Variants in CXADR observed in about 807,000 individuals in gnomAD.
CXADR encodes CXADR cell adhesion molecule.
In CXADR, 20 loss-of-function variants were observed where a neutral mutation model predicts 40.3. That is an observed-to-expected ratio of 0.50 (90% CI 0.35 to 0.72). The LOEUF is 0.72. CXADR is among the 30% of genes least tolerant of loss of function. CXADR has a pLI of 0.01. For missense variants in CXADR, 332 were observed against 449.1 expected (o/e 0.74, Z 2.36); for synonymous variants, 150 against 161.3 (o/e 0.93, Z 0.53).
chr21:17,524,760 T>G (rs946734749), intron 1 of CXADR, among the ~76,000 whole-genome samples: 6 of 151,600 alleles, frequency 4.0e-5, no homozygotes, highest in African/African-American at 1.5e-4. Context: ...GATACAAAAA[T>G]TAGCCGGGTG....
chr21:17,603,684 A>G, the CXADR span, among the ~76,000 whole-genome samples: 1 of 152,174 alleles, frequency 6.6e-6, no homozygotes, highest in Non-Finnish European at 1.5e-5. Context: ...GCCACAGGAA[A>G]ATTCTTGCAG....
At chr21:17,517,969 A>G (rs904444700) in intron 1 of CXADR, among the ~76,000 whole-genome samples, 2 of 152,234 alleles carry the variant, frequency 1.3e-5, no homozygotes, top group African/African-American at 4.8e-5. Context: ...CAGTGGCAAA[A>G]TACCTCAAGA....
intron 1 of CXADR, among the ~76,000 whole-genome samples, chr21:17,529,034 CT>C (rs10530177): frequency 0.044 from 5,284 of 120,604 alleles, 27 homozygotes; most frequent in African/African-American, 0.056. Context: ...GACTTTTTGT[CT>C]TTTTTTTTTT....
chr21:17,575,854 G>A (rs1460695113), intron 7 of CXADR, among the ~76,000 whole-genome samples: 1 of 151,446 alleles, frequency 6.6e-6, no homozygotes, highest in Non-Finnish European at 1.5e-5. Context: ...TTGGGAGGCC[G>A]AGGCTGGTGG....
chr21:17,619,567 A>C, the CXADR span, among the ~76,000 whole-genome samples: 1 of 150,154 alleles, frequency 6.7e-6, no homozygotes, highest in East Asian at 2.0e-4. Context: ...CCAGTCTGGC[A>C]GCCTGGGCAT....
At chr21:17,559,470 C>T (rs1378758792) in intron 4 of CXADR, among the ~76,000 whole-genome samples, 2 of 151,934 alleles carry the variant, frequency 1.3e-5, no homozygotes, top group Non-Finnish European at 2.9e-5. Context: ...CAGGCATGAG[C>T]CCAGGCATGT....
At chr21:17,517,073 G>C (rs1386472068) in intron 1 of CXADR, among the ~76,000 whole-genome samples, 1 of 152,104 alleles carries the variant, frequency 6.6e-6, no homozygotes, top group African/African-American at 2.4e-5. Context: ...TTGCATCTCA[G>C]ATATCAAATA....
At chr21:17,570,219 CAGAA>C, downstream of CXADR, 2 of 978,082 alleles carry the variant, frequency 2.0e-6, no homozygotes, top group Non-Finnish European at 2.4e-6. Flanking sequence ...ATCCTCTAAA[CAGAA>C]AGAATAAAGA....
intron 7 of CXADR, among the ~76,000 whole-genome samples, chr21:17,592,052 T>C (rs1265303729): frequency 1.3e-5 from 2 of 151,994 alleles, no homozygotes; most frequent in African/African-American, 2.4e-5. Context: ...AACATCTACC[T>C]GTATGCAGTT....
At chr21:17,570,492 C>T (rs973032028), downstream of CXADR, among the ~76,000 whole-genome samples, 1 of 152,080 alleles carries the variant, frequency 6.6e-6, no homozygotes, top group Non-Finnish European at 1.5e-5. Context: ...GAGAGCTTAC[C>T]TTCTGTTTCA....
At chr21:17,550,833 G>C (rs958074017) in intron 2 of CXADR, among the ~76,000 whole-genome samples, 10 of 152,182 alleles carry the variant, frequency 6.6e-5, no homozygotes, top group African/African-American at 2.2e-4. Context: ...GTTAGGCACA[G>C]GTCTTTGCTT....
In CXADR at chr21:17,547,213, G is replaced by GCT; in HGVS notation, c.210+22_210+23dup. The GCT allele has an allele frequency of 6.2e-7, 1 of 1,613,814 alleles. No individual in the cohort carries two copies. Among genetic ancestry groups the GCT allele is most frequent in the Non-Finnish European group, 8.5e-7 (1 of 1,179,938 alleles). On this transcript the variant is annotated intron_variant, in intron 2 of 6. Coordinates refer to ENST00000284878, the MANE Select transcript of CXADR (RefSeq NM_001338.5). ...CAAGTGGTAAGTTTGATATGTCCTTGCTCGCTTAGCAGCTGTCTGTGCAAC... is the reference window on the plus strand; with the variant it reads ...CAAGTGGTAAGTTTGATATGTCCTTGCTCTCGCTTAGCAGCTGTCTGTGCAAC...
chr21:17,561,251 A>C, intron 5 of CXADR, 87 bp from the exon 6 acceptor site: 1 of 785,680 alleles, frequency 1.3e-6, no homozygotes, highest in East Asian at 3.0e-5. Context: ...CACGTGATGA[A>C]ATCAATCTAA....
At chr21:17,598,989 G>T in the CXADR span, 1 of 524,034 alleles carries the variant, frequency 1.9e-6, no homozygotes, top group South Asian at 3.3e-5. Flanking sequence ...CTCAATGCCA[G>T]CAAGCAAACC....
intron 6 of CXADR, among the ~76,000 whole-genome samples, chr21:17,562,358 G>C (rs2061135512): frequency 1.3e-5 from 2 of 152,294 alleles, no homozygotes; most frequent in South Asian, 2.1e-4. Context: ...CTCGCTCTCT[G>C]TTGCCCAGGC....
chr21:17,602,750 C>T, the CXADR span, among the ~76,000 whole-genome samples: 25 of 152,164 alleles, frequency 1.6e-4, no homozygotes, highest in African/African-American at 5.5e-4. Context: ...TCCTACCAGG[C>T]ATCATCAAGT....
At chr21:17,588,743 G>A (rs8134212) in intron 7 of CXADR, among the ~76,000 whole-genome samples, 12,661 of 152,022 alleles carry the variant, frequency 0.083, 631 homozygotes, top group African/African-American at 0.12. Flanking sequence ...AATACTCTCT[G>A]CTCATTGTTT....
intron 3 of CXADR, among the ~76,000 whole-genome samples, chr21:17,553,580 TA>T (rs1172471883): frequency 1.3e-5 from 2 of 151,492 alleles, no homozygotes; most frequent in African/African-American, 4.8e-5. Flanking sequence ...TATAAATGTA[TA>T]AGCAAGTGAA....
At chr21:17,623,551 G>A in the CXADR span, among the ~76,000 whole-genome samples, 2 of 152,114 alleles carry the variant, frequency 1.3e-5, no homozygotes, top group East Asian at 1.9e-4. Context: ...TGTGTGAGAG[G>A]ACTCCCTAAT....
Sources: allele counts gnomAD v4.1 joint callset (sites outside exome capture counted in the v4.1 genomes callset), GRCh38; gene constraint gnomAD v4.1.1; transcripts MANE v1.5; gene names NCBI Gene and HGNC (gene_info 2026-07-23, HGNC 2026-07-21).